ZBTB25: variants seen among roughly 807,000 people sequenced by gnomAD.
ZBTB25 encodes the protein zinc finger and BTB domain-containing protein 25.
In ZBTB25, 20 loss-of-function variants were observed where a neutral mutation model predicts 34.2. The observed-to-expected ratio is 0.58, with a 90% CI of 0.41 to 0.85. The LOEUF (loss-of-function observed/expected upper bound fraction) is 0.85. Ranked by LOEUF, ZBTB25 falls within the 40% of genes least tolerant of loss-of-function variation. ZBTB25 has a pLI of 0.00. For missense variants in ZBTB25, 437 were observed against 521.8 expected (o/e 0.84, Z 1.58); for synonymous variants, 175 against 186.4 (o/e 0.94, Z 0.50).
At chr14:64,475,125 T>C (rs2078707422), downstream of ZBTB25, among the ~76,000 whole-genome samples, 1 of 152,170 alleles carries the variant, frequency 6.6e-6, no homozygotes, top group African/African-American at 2.4e-5. Context: ...GTAGCTAATA[T>C]TTCACATTTT....
rs1414154167 is a variant in ZBTB25, at chr14:64,486,274, C to G, written c.*649G>C. On this transcript the variant is annotated 3_prime_UTR_variant, in exon 3 of 3. Coordinates refer to ENST00000608382, the MANE Select transcript of ZBTB25 (RefSeq NM_006977.5). ...CCGAGATCGCGCCACTGCGCCCCAGCCTGGGCGACACAGAGAGACTCTGTC... is the reference window on the plus strand; with the variant it reads ...CCGAGATCGCGCCACTGCGCCCCAGGCTGGGCGACACAGAGAGACTCTGTC... 1.0e-6 allele frequency: 1 copy of G among 976,554 alleles called. No individual in the cohort carries two copies. The highest frequency in any genetic ancestry group is 1.2e-6 in the Non-Finnish European group (1 of 822,074). 60.5% of individuals were successfully genotyped at this position (976,554 alleles called of 1,614,324 possible).
At chr14:64,500,304 G>A (rs1425802298) in intron 1 of ZBTB25, among the ~76,000 whole-genome samples, 1 of 151,988 alleles carries the variant, frequency 6.6e-6, no homozygotes, top group Non-Finnish European at 1.5e-5. Flanking sequence ...CACTACTCAA[G>A]TGGGCTAATA....
rs560869064 is a variant in ZBTB25, at chr14:64,454,892, A to G, written c.174-5254T>C. The G allele has an allele frequency of 8.7e-6, 14 of 1,613,726 alleles. No homozygotes were observed. Among genetic ancestry groups the G allele is most frequent in the Non-Finnish European group, 1.0e-5 (12 of 1,179,630 alleles). ...GTAGGAACGGTAAGTGCATGCTGCA[A>G]GGGAGTAGTGGGCGCATCTGCACTT... is the stretch of plus-strand genomic sequence containing the variant. On this transcript the variant is annotated intron_variant, in intron 2 of 2. Transcript: ENST00000555220.
rs563915165 is a variant in ZBTB25 at position 64,486,171 on chromosome 14, G to A, written c.*752C>T. The stretch of plus-strand genomic sequence containing the variant: ...AAAAAAATTAGCTGGGCGTGGTGGC[G>A]GGCGCCTGTAGTCCCAGCTGCTCAG... On this transcript the variant is annotated 3_prime_UTR_variant, in exon 3 of 3. Coordinates refer to ENST00000608382, the MANE Select transcript of ZBTB25 (RefSeq NM_006977.5). 2.1e-5 allele frequency: 14 copies of A among 670,584 alleles called. No homozygotes were observed. The South Asian group carries it at 4.0e-4, about 19-fold the overall frequency. The allele number at this position is 670,584 out of a possible 1,614,324, so 41.5% of individuals were successfully genotyped here. A position where few individuals can be genotyped will look rare whatever the true frequency, so the allele number is the denominator to read the frequency against.
At chr14:64,504,522 C>T (rs1426669736), upstream of ZBTB25, 7 of 171,934 alleles carry the variant, frequency 4.1e-5, no homozygotes, top group Non-Finnish European at 7.4e-5. Flanking sequence ...CAAGCCGCCG[C>T]CGCCGCGACG....
At chr14:64,476,208 G>GTGC (rs1237938651), downstream of ZBTB25, among the ~76,000 whole-genome samples, 2 of 152,220 alleles carry the variant, frequency 1.3e-5, no homozygotes, top group South Asian at 2.1e-4. Flanking sequence ...AGGCATGCAT[G>GTGC]TGCTGCTAAT....
chr14:64,456,949 C>T (rs763978368), intron 2 of ZBTB25, among the ~76,000 whole-genome samples: 5 of 152,124 alleles, frequency 3.3e-5, no homozygotes, highest in Non-Finnish European at 7.3e-5. Flanking sequence ...TTATATAGGA[C>T]ATTGTTACAG....
chr14:64,485,644 T>C lies in ZBTB25; in HGVS notation c.*1279A>G. ...TTATAGAACACTGAATGTATCCACT[T>C]TGCTGGTTTTATGGATCAGGAAAAA... On this transcript the variant is annotated 3_prime_UTR_variant, in exon 3 of 3. Transcript: ENST00000608382. The C allele has an allele frequency of 1.0e-6, 1 of 985,434 alleles. No individual in the cohort carries two copies. Among genetic ancestry groups the C allele is most frequent in the Non-Finnish European group, 1.2e-6 (1 of 829,926 alleles). 61.0% of individuals were successfully genotyped at this position (985,434 alleles called of 1,614,324 possible). A position where few individuals can be genotyped will look rare whatever the true frequency, so the allele number is the denominator to read the frequency against.
chr14:64,496,961 G>A, intron 1 of ZBTB25, among the ~76,000 whole-genome samples: 1 of 152,080 alleles, frequency 6.6e-6, no homozygotes, highest in East Asian at 1.9e-4. Context: ...GCTCAGAGAA[G>A]GCAGGAAACA....
Position 64,486,926 on chromosome 14 carries a change from C to T in ZBTB25, c.1305G>A (p.Glu435=). ...TQENVDTILV[E] is the part of the protein sequence containing the mutation. ...AAAAATTCTGAAAGAGAAGCTGCTA[C>T]TCAACTAGGATAGTATCCACATTTT... Residue 435 remains glutamate (E), a synonymous_variant, in exon 3 of 3, where the codon GAG becomes GAA. Coordinates refer to ENST00000608382, the MANE Select transcript of ZBTB25 (RefSeq NM_006977.5). The T allele has an allele frequency of 6.4e-7, 1 of 1,551,386 alleles. No homozygotes were observed. Among genetic ancestry groups the T allele is most frequent in the Non-Finnish European group, 8.7e-7 (1 of 1,147,930 alleles).
intron 2 of ZBTB25, among the ~76,000 whole-genome samples, chr14:64,452,169 C>T (rs540429074): frequency 6.6e-6 from 1 of 152,228 alleles, no homozygotes; most frequent in East Asian, 1.9e-4. Context: ...GTGGCCCATG[C>T]CTGTGATCCC....
In ZBTB25 at chr14:64,486,631, T is replaced by A. The variant is rs2078868765; in HGVS notation, c.*292A>T. 3 of 986,464 alleles carry A rather than the reference T, an allele frequency of 3.0e-6. No homozygotes were observed. In the South Asian group the frequency reaches 1.4e-4, roughly 47 times the overall value. 61.1% of individuals were successfully genotyped at this position (986,464 alleles called of 1,614,324 possible). ...TTACTGATTCTATAACTGGAAAAAC[T>A]TAGAATTCTATAAATAACTATTTAA... On this transcript the variant is annotated 3_prime_UTR_variant, in exon 3 of 3. Transcript: ENST00000608382.
chr14:64,469,463 A>C (rs1483269134), intron 2 of ZBTB25: 12 of 1,612,950 alleles, frequency 7.4e-6, no homozygotes, highest in Non-Finnish European at 1.0e-5. Flanking sequence ...AAAATCTAAA[A>C]ATGTCCCTAA....
intron 2 of ZBTB25, among the ~76,000 whole-genome samples, 153 bp from the exon 3 acceptor site, chr14:64,488,210 T>C (rs1455659759): frequency 6.6e-6 from 1 of 152,140 alleles, no homozygotes; most frequent in Non-Finnish European, 1.5e-5. Context: ...GGCTTAAACT[T>C]TCATTTTATA....
chr14:64,474,661 A>C (rs2078703701), downstream of ZBTB25, among the ~76,000 whole-genome samples: 1 of 152,236 alleles, frequency 6.6e-6, no homozygotes, highest in African/African-American at 2.4e-5. Flanking sequence ...CTCCTAAAAC[A>C]GTCCTTCAGC....
At chr14:64,453,651 TCTG>T in intron 2 of ZBTB25, 3 of 729,040 alleles carry the variant, frequency 4.1e-6, no homozygotes, top group Non-Finnish European at 7.6e-6. Flanking sequence ...AAAACCATCT[TCTG>T]CCCCTTTTAG....
chr14:64,456,243 T>G (rs2078471785), intron 2 of ZBTB25, among the ~76,000 whole-genome samples: 1 of 152,210 alleles, frequency 6.6e-6, no homozygotes. Context: ...ACAAAGTATG[T>G]GTCAGAGGCT....
At chr14:64,451,166 A>G (rs564687916) in intron 2 of ZBTB25, among the ~76,000 whole-genome samples, 4 of 151,890 alleles carry the variant, frequency 2.6e-5, no homozygotes, top group Non-Finnish European at 5.9e-5. Flanking sequence ...CTTCGTCTCA[A>G]AAAAAAAATT....
chr14:64,469,685 C>A, intron 2 of ZBTB25: 2 of 1,536,088 alleles, frequency 1.3e-6, no homozygotes, highest in Non-Finnish European at 1.7e-6. Context: ...GTGACTTACT[C>A]TCCAGAGTCA....
Sources: gnomAD v4.1 joint callset for allele counts (sites outside exome capture counted in the v4.1 genomes callset) on GRCh38, gnomAD v4.1.1 for gene constraint, MANE v1.5 for transcripts, NCBI Gene and HGNC (gene_info 2026-07-23, HGNC 2026-07-21) for gene names.